The following FAM221A variants were observed in gnomAD, a reference collection of about 807,000 sequenced individuals.
FAM221A encodes protein FAM221A.
Under a neutral mutation model 37.6 loss-of-function variants are expected in FAM221A, and 43 were observed. The observed-to-expected ratio is 1.15, with a 90% CI of 0.90 to 1.48. FAM221A has a LOEUF of 1.48. FAM221A is among the 40% of genes most tolerant of loss of function. The pLI, the probability that FAM221A is intolerant of heterozygous loss-of-function variation, is 0.00. For missense variants in FAM221A, 361 were observed against 361.5 expected, an observed-to-expected ratio of 1.00 and a Z score of 0.01; for synonymous variants, 135 against 132.9, an observed-to-expected ratio of 1.02 and a Z score of -0.11.
At chr7:23,702,010 C>A (rs1785488180) in intron 6 of FAM221A, 86 bp from the exon 7 acceptor site, 2 of 791,860 alleles carry the variant, frequency 2.5e-6, no homozygotes, top group South Asian at 2.3e-5. Context: ...ATGGCTGTGA[C>A]ATGAATCTGA....
At chr7:23,681,151 G>A (rs1784017055) in intron 1 of FAM221A, among the ~76,000 whole-genome samples, 1 of 152,198 alleles carries the variant, frequency 6.6e-6, no homozygotes, top group Non-Finnish European at 1.5e-5. Flanking sequence ...TGAGCCAGAA[G>A]AATAAGGGCT....
chr7:23,696,268 A>T (rs1340176919), intron 4 of FAM221A, among the ~76,000 whole-genome samples: 3 of 152,220 alleles, frequency 2.0e-5, no homozygotes, highest in Non-Finnish European at 4.4e-5. Flanking sequence ...TGGCATAAAA[A>T]ATAAAATGGG....
intron 4 of FAM221A, chr7:23,692,882 A>G (rs570605000): frequency 2.7e-6 from 1 of 372,056 alleles, no homozygotes. Context: ...GTGGTAGGCT[A>G]GGTTTGAACT....
intron 4 of FAM221A, chr7:23,692,687 TAA>T: frequency 1.0e-6 from 1 of 984,738 alleles, no homozygotes; most frequent in Non-Finnish European, 1.2e-6. Context: ...CAATAGAAAT[TAA>T]GTGGAAAAAG....
chr7:23,691,350 G>A (rs1784731783), intron 3 of FAM221A, 40 bp from the exon 4 acceptor site: 1 of 1,596,630 alleles, frequency 6.3e-7, no homozygotes, highest in African/African-American at 1.3e-5. Flanking sequence ...AGACAACATA[G>A]TACCTTTAAG....
Position 23,691,568 on chromosome 7 carries a change from C to T in FAM221A, c.609C>T (p.Gly203=). The change falls in exon 4 of 7, where the codon GGC becomes GGT. Residue 203 remains glycine (G), a synonymous_variant. Coordinates refer to ENST00000344962, the MANE Select transcript of FAM221A (RefSeq NM_199136.5). ...CTGGTTTCAGCTCGCTGGCGGAAGG[C>T]TACATGCGGTTAGATGACAGTGGGA... ...GLTGFSSLAE[G]YMRLDDSGIG... 6.2e-7 allele frequency: 1 copy of T among 1,614,046 alleles called. No homozygotes were observed. The highest frequency in any genetic ancestry group is 1.7e-5 in the Admixed American group (1 of 60,018).
At chr7:23,684,370 A>T (rs1784242571) in intron 1 of FAM221A, 129 bp from the exon 2 acceptor site, 2 of 748,218 alleles carry the variant, frequency 2.7e-6, no homozygotes, top group Non-Finnish European at 4.1e-6. Flanking sequence ...GGCCTGCCAC[A>T]TCTGTAAGAA....
chr7:23,693,261 A>G (rs1193510398), intron 4 of FAM221A: 2 of 152,200 alleles, frequency 1.3e-5, no homozygotes, highest in African/African-American at 4.8e-5. Context: ...GCTTGTTTTT[A>G]CATCCTCTAC....
intron 4 of FAM221A, among the ~76,000 whole-genome samples, chr7:23,695,234 C>T (rs915688094): frequency 6.6e-6 from 1 of 152,158 alleles, no homozygotes; most frequent in African/African-American, 2.4e-5. Flanking sequence ...ACCTCAGACT[C>T]CTGAGTAGCT....
rs1318494559 is a variant in FAM221A, at chr7:23,680,377, G to C, written c.65+94G>C. 3.2e-6 allele frequency: 3 copies of C among 949,030 alleles called. No individual in the cohort carries two copies. In the East Asian group the frequency reaches 8.1e-5, roughly 26 times the overall value. 58.8% of individuals were successfully genotyped at this position (949,030 alleles called of 1,614,324 possible). A position where few individuals can be genotyped will look rare whatever the true frequency, so the allele number is the denominator to read the frequency against. On this transcript the variant is annotated intron_variant, in intron 1 of 6. Coordinates refer to ENST00000344962, the MANE Select transcript of FAM221A (RefSeq NM_199136.5). ...GAGCAGGGGCCCGGCGGGCGTCCGC[G>C]GGGGTTCCCGGAATCTGTGCCTGGG...
chr7:23,691,631 A>G (rs901064811), intron 4 of FAM221A, 35 bp downstream of exon 4: 4 of 1,566,124 alleles, frequency 2.6e-6, no homozygotes, highest in Admixed American at 1.7e-5. Flanking sequence ...AGCCCATTGT[A>G]TTGTTTTTAT....
At chr7:23,681,061 C>G (rs1223193424) in intron 1 of FAM221A, among the ~76,000 whole-genome samples, 2 of 152,188 alleles carry the variant, frequency 1.3e-5, no homozygotes, top group African/African-American at 2.4e-5. Flanking sequence ...CGCAGACGGC[C>G]CCCCAGCTGA....
intron 5 of FAM221A, 61 bp from the exon 6 acceptor site, chr7:23,700,725 T>C: frequency 8.9e-7 from 1 of 1,119,894 alleles, no homozygotes; most frequent in Non-Finnish European, 1.3e-6. Flanking sequence ...TTTTCTTTCT[T>C]TTATTTCAGG....
intron 1 of FAM221A, among the ~76,000 whole-genome samples, chr7:23,682,035 T>C (rs998675358): frequency 6.6e-6 from 1 of 152,024 alleles, no homozygotes; most frequent in African/African-American, 2.4e-5. Flanking sequence ...TGTTAGCTTG[T>C]TAGAAAAGCA....
At chr7:23,685,270 A>T (rs1236118415) in intron 2 of FAM221A, among the ~76,000 whole-genome samples, 1 of 51,540 alleles carries the variant, frequency 1.9e-5, no homozygotes, top group Non-Finnish European at 5.0e-5. Flanking sequence ...AACAAAACAA[A>T]ACAAAACAAA....
chr7:23,689,561 T>C, intron 3 of FAM221A, 102 bp downstream of exon 3: 7 of 825,702 alleles, frequency 8.5e-6, no homozygotes, highest in South Asian at 3.1e-5. Flanking sequence ...TATTCAGTTG[T>C]ATTAGTTGTA....
chr7:23,690,865 A>G (rs1562522579), intron 3 of FAM221A, among the ~76,000 whole-genome samples: 2 of 152,226 alleles, frequency 1.3e-5, no homozygotes, highest in African/African-American at 4.8e-5. Context: ...AAATAGAATC[A>G]TAGAATATGT....
At chr7:23,692,082 T>G (rs1398358629) in intron 4 of FAM221A, 1 of 404,870 alleles carries the variant, frequency 2.5e-6, no homozygotes, top group East Asian at 1.6e-4. Context: ...TGTAGTAAAA[T>G]ATGTATATAT....
intron 6 of FAM221A, 31 bp from the exon 7 acceptor site, chr7:23,702,065 T>C: frequency 6.8e-7 from 1 of 1,475,128 alleles, no homozygotes; most frequent in Non-Finnish European, 9.3e-7. Flanking sequence ...GTTTACAAGT[T>C]ATTATATCAA....
Sources: gnomAD v4.1 joint callset for allele counts (sites outside exome capture counted in the v4.1 genomes callset) on GRCh38, gnomAD v4.1.1 for gene constraint, MANE v1.5 for transcripts, NCBI Gene and HGNC (gene_info 2026-07-23, HGNC 2026-07-21) for gene names.